Variants in CNTN5 observed in about 807,000 individuals in gnomAD.
CNTN5 encodes the protein contactin 5.
Under a neutral mutation model 129.1 loss-of-function variants are expected in CNTN5, and 77 were observed. The observed-to-expected ratio is 0.60, with a 90% CI of 0.50 to 0.72. The LOEUF is 0.72. Ranked by LOEUF, CNTN5 falls within the 30% of genes least tolerant of loss-of-function variation. The pLI, the probability that CNTN5 is intolerant of heterozygous loss-of-function variation, is 0.00. For missense variants in CNTN5, 1,478 were observed against 1,328.8 expected (o/e 1.11, Z -1.75); for synonymous variants, 509 against 465.6 (o/e 1.09, Z -1.20).
At chr11:99,553,577 G>A (rs1015656258) in intron 2 of CNTN5, among the ~76,000 whole-genome samples, 2 of 151,608 alleles carry the variant, frequency 1.3e-5, no homozygotes, top group Non-Finnish European at 2.9e-5. Context: ...ATGTCCTTCA[G>A]TATTATGTAT....
chr11:99,568,796 G>C (rs1216078991), intron 3 of CNTN5, among the ~76,000 whole-genome samples: 1 of 152,134 alleles, frequency 6.6e-6, no homozygotes, highest in Non-Finnish European at 1.5e-5. Context: ...AGCTCTTTGA[G>C]AAAAATCCTA....
chr11:99,382,918 C>CTT (rs1279528855), intron 2 of CNTN5, among the ~76,000 whole-genome samples: 1 of 121,204 alleles, frequency 8.3e-6, no homozygotes, highest in Non-Finnish European at 1.6e-5. Flanking sequence ...GTGCAGTAGC[C>CTT]TGATCTCGGC....
chr11:99,652,376 C>T (rs1174304191), intron 3 of CNTN5, among the ~76,000 whole-genome samples: 1 of 152,036 alleles, frequency 6.6e-6, no homozygotes, highest in Admixed American at 6.6e-5. Context: ...ATCATCTATA[C>T]TATCTATACC....
At chr11:100,021,492 A>G (rs60030842) in intron 9 of CNTN5, among the ~76,000 whole-genome samples, 6,829 of 152,174 alleles carry the variant, frequency 0.045, 200 homozygotes, top group African/African-American at 0.08. Context: ...TTGAATCTCT[A>G]TTATATAGTG....
intron 8 of CNTN5, among the ~76,000 whole-genome samples, chr11:99,981,085 T>C (rs1472137607): frequency 1.4e-5 from 1 of 71,128 alleles, no homozygotes; most frequent in Admixed American, 1.6e-4. Flanking sequence ...AGGATATATA[T>C]ATATATATAT....
intron 4 of CNTN5, among the ~76,000 whole-genome samples, chr11:99,829,183 AT>A (rs1300068342): frequency 1.3e-5 from 2 of 152,214 alleles, no homozygotes; most frequent in African/African-American, 4.8e-5. Flanking sequence ...ATCTGAAATG[AT>A]GAAAATACAT....
chr11:99,347,289 C>CA (rs1263209131), intron 2 of CNTN5, among the ~76,000 whole-genome samples: 1 of 152,004 alleles, frequency 6.6e-6, no homozygotes, highest in Non-Finnish European at 1.5e-5. Flanking sequence ...TATACTAGCA[C>CA]AAAAAGATTA....
At chr11:99,529,021 G>A (rs1432519201) in intron 2 of CNTN5, among the ~76,000 whole-genome samples, 1 of 152,192 alleles carries the variant, frequency 6.6e-6, no homozygotes, top group African/African-American at 2.4e-5. Context: ...GTTGCAGTGA[G>A]CCAAGATTGT....
chr11:99,553,849 A>T (rs1197557087), intron 2 of CNTN5, among the ~76,000 whole-genome samples: 1 of 151,966 alleles, frequency 6.6e-6, no homozygotes. Flanking sequence ...AATAAAATAT[A>T]ATGTAATTAT....
chr11:100,214,379 A>G (rs918849301), intron 15 of CNTN5, among the ~76,000 whole-genome samples: 2 of 152,170 alleles, frequency 1.3e-5, no homozygotes, highest in African/African-American at 4.8e-5. Flanking sequence ...TTCCACTGCT[A>G]CAATTGTGCT....
intron 1 of CNTN5, among the ~76,000 whole-genome samples, chr11:99,164,187 A>G (rs762836907): frequency 7.9e-5 from 12 of 152,084 alleles, no homozygotes; most frequent in Non-Finnish European, 1.5e-4. Context: ...TTAACAGGGC[A>G]TGGTGGCACC....
intron 3 of CNTN5, among the ~76,000 whole-genome samples, chr11:99,676,066 G>A (rs543168056): frequency 3.9e-5 from 6 of 152,198 alleles, no homozygotes; most frequent in Admixed American, 6.5e-5. Flanking sequence ...TGTAATTTTC[G>A]AATGGGATAA....
intron 7 of CNTN5, among the ~76,000 whole-genome samples, chr11:99,948,922 A>G (rs1016767593): frequency 6.6e-6 from 1 of 152,190 alleles, no homozygotes; most frequent in African/African-American, 2.4e-5. Flanking sequence ...CACCTGCCCC[A>G]GCCAGCAGCT....
chr11:99,363,650 C>T (rs1939265821), intron 2 of CNTN5, among the ~76,000 whole-genome samples: 1 of 151,988 alleles, frequency 6.6e-6, no homozygotes, highest in South Asian at 2.1e-4. Context: ...AGGGATTAGC[C>T]TACTAATTGT....
intron 13 of CNTN5, among the ~76,000 whole-genome samples, chr11:100,100,714 G>A (rs897112414): frequency 3.3e-5 from 5 of 152,042 alleles, no homozygotes; most frequent in South Asian, 2.1e-4. Context: ...TTCTTGGCTC[G>A]TATTACCTGT....
chr11:99,100,969 CT>C (rs1382265837), intron 1 of CNTN5, among the ~76,000 whole-genome samples: 4 of 152,092 alleles, frequency 2.6e-5, no homozygotes, highest in Non-Finnish European at 4.4e-5. Context: ...CATTTTCACA[CT>C]GCTGATAAAG....
intron 3 of CNTN5, among the ~76,000 whole-genome samples, chr11:99,575,007 A>G (rs1389434818): frequency 6.6e-6 from 1 of 152,156 alleles, no homozygotes; most frequent in Non-Finnish European, 1.5e-5. Flanking sequence ...TTTGCCATGA[A>G]TTGTGGGACT....
At chr11:100,090,513 C>CCCTCCCTCCCTCCCTCCCTCCCTCCCTT (rs1944729097) in intron 13 of CNTN5, among the ~76,000 whole-genome samples, 1 of 50,230 alleles carries the variant, frequency 2.0e-5, no homozygotes, top group African/African-American at 1.0e-4. Context: ...CTCCCTCCCT[C>CCCTCCCTCCCTCCCTCCCTCCCTCCCTT]CCTCCCTCCC....
At chr11:99,691,995 T>A (rs879671926) in intron 3 of CNTN5, among the ~76,000 whole-genome samples, 1 of 152,212 alleles carries the variant, frequency 6.6e-6, no homozygotes, top group African/African-American at 2.4e-5. Context: ...CCATTTGTAA[T>A]GCCCTTCTTT....
Sources: gnomAD v4.1 joint callset for allele counts (sites outside exome capture counted in the v4.1 genomes callset) on GRCh38, gnomAD v4.1.1 for gene constraint, MANE v1.5 for transcripts, NCBI Gene and HGNC (gene_info 2026-07-23, HGNC 2026-07-21) for gene names.